BCAS3: variants seen among roughly 807,000 people sequenced by gnomAD.
BCAS3 encodes the protein BCAS3 microtubule associated cell migration factor.
Under a neutral mutation model 116.1 loss-of-function variants are expected in BCAS3, and 53 were observed. That is an observed-to-expected ratio of 0.46 (90% confidence interval 0.37 to 0.57). The LOEUF is 0.57. BCAS3 is among the 20% of genes least tolerant of loss of function. BCAS3 has a pLI of 0.00. For missense variants in BCAS3, 917 were observed against 1,165.4 expected, an observed-to-expected ratio of 0.79 and a Z score of 3.10; for synonymous variants, 391 against 408.2, an observed-to-expected ratio of 0.96 and a Z score of 0.51.
At chr17:60,856,062 AAAGAAGGCCATC>A (rs781417367) in intron 7 of BCAS3, among the ~76,000 whole-genome samples, 2 of 152,178 alleles carry the variant, frequency 1.3e-5, no homozygotes, top group African/African-American at 4.8e-5. Flanking sequence ...TACTTTGTTA[AAAGAAGGCCATC>A]AAGAAGGCCA....
Position 61,348,984 on chromosome 17 carries a change from C to A in BCAS3, c.2426-19343C>A, listed in dbSNP as rs1013291305. On this transcript the variant is annotated intron_variant, in intron 22 of 23. Coordinates refer to ENST00000407086, the MANE Select transcript of BCAS3 (RefSeq NM_017679.5). This position sits in a 1 kb window ranked among gnomAD's most constrained non-coding sequence, Gnocchi z 4.5. The stretch of plus-strand genomic sequence containing the variant: ...AGCCAGGATGGTCTTGATCTCCTGA[C>A]CTCATGATCCACCCACCTCAGCCTC... 1.3e-5 allele frequency among the ~76,000 whole-genome samples: 2 copies of A among 151,810 alleles called. No homozygotes were observed. Among genetic ancestry groups the A allele is most frequent in the Non-Finnish European group, 2.9e-5 (2 of 67,974 alleles).
At chr17:61,360,940 T>C (rs2058424068) in intron 22 of BCAS3, among the ~76,000 whole-genome samples, 1 of 152,248 alleles carries the variant, frequency 6.6e-6, no homozygotes, top group Non-Finnish European at 1.5e-5. Flanking sequence ...ATGCCTTTAA[T>C]TGGGTAAAAA....
intron 13 of BCAS3, among the ~76,000 whole-genome samples, chr17:60,934,943 G>C (rs980345992): frequency 2.6e-5 from 4 of 152,098 alleles, no homozygotes; most frequent in African/African-American, 9.7e-5. Flanking sequence ...CGAATCACTT[G>C]GGTTCAGGAG....
At chr17:60,940,045 A>G (rs1258499225) in intron 13 of BCAS3, among the ~76,000 whole-genome samples, 2 of 152,210 alleles carry the variant, frequency 1.3e-5, no homozygotes, top group Non-Finnish European at 1.5e-5. Flanking sequence ...GAGAAAGAAA[A>G]TAATTAAATA....
intron 16 of BCAS3, among the ~76,000 whole-genome samples, chr17:61,018,091 T>C (rs764042536): frequency 2.6e-5 from 4 of 152,184 alleles, no homozygotes; most frequent in Non-Finnish European, 5.9e-5. Context: ...CTAGGCTTTG[T>C]ATCTCAATTT....
chr17:61,336,024 T>C (rs1489532292), intron 22 of BCAS3, among the ~76,000 whole-genome samples: 1 of 152,220 alleles, frequency 6.6e-6, no homozygotes, highest in Admixed American at 6.5e-5. Context: ...TTTCCATACT[T>C]TTCAGATACA....
At chr17:61,160,128 C>A in intron 22 of BCAS3, among the ~76,000 whole-genome samples, 1 of 150,248 alleles carries the variant, frequency 6.7e-6, no homozygotes, top group African/African-American at 2.4e-5. Context: ...TATAAATTAA[C>A]TACAAGGAAA....
chr17:60,918,345 A>G (rs2058882898), intron 12 of BCAS3, among the ~76,000 whole-genome samples: 1 of 152,172 alleles, frequency 6.6e-6, no homozygotes, highest in African/African-American at 2.4e-5. Context: ...TTTGGGGTAC[A>G]TGTGATATTT....
intron 6 of BCAS3, among the ~76,000 whole-genome samples, chr17:60,778,892 G>A (rs1217941161): frequency 2.0e-5 from 3 of 152,132 alleles, no homozygotes; most frequent in South Asian, 4.1e-4. Flanking sequence ...GATGATAAAA[G>A]TATAGTTTGT....
At chr17:61,320,081 G>C (rs903606280) in intron 22 of BCAS3, among the ~76,000 whole-genome samples, 2 of 151,140 alleles carry the variant, frequency 1.3e-5, no homozygotes, top group Non-Finnish European at 3.0e-5. Flanking sequence ...GTAGAGACAG[G>C]GTTTTGCTAT....
intron 22 of BCAS3, among the ~76,000 whole-genome samples, chr17:61,163,428 A>AG (rs2078287044): frequency 1.9e-4 from 7 of 37,418 alleles, no homozygotes; most frequent in Admixed American, 1.5e-3. Context: ...CGTCTCAGAA[A>AG]GGAAAAAAAA....
chr17:60,722,873 T>G (rs1369017733), intron 5 of BCAS3, among the ~76,000 whole-genome samples: 3 of 152,022 alleles, frequency 2.0e-5, no homozygotes, highest in Admixed American at 1.3e-4. Flanking sequence ...GAGACCACCC[T>G]GGGCAACATA....
At chr17:61,209,654 G>A (rs2081342015) in intron 22 of BCAS3, among the ~76,000 whole-genome samples, 1 of 152,142 alleles carries the variant, frequency 6.6e-6, no homozygotes, top group Admixed American at 6.5e-5. Flanking sequence ...GAATATGAGG[G>A]GGTGTCTTTG....
chr17:60,852,812 G>A (rs2144813050), intron 7 of BCAS3, among the ~76,000 whole-genome samples: 1 of 152,308 alleles, frequency 6.6e-6, no homozygotes, highest in African/African-American at 2.4e-5. Flanking sequence ...CTGAGAAGAG[G>A]TGGAATAACA....
At chr17:61,121,705 T>A (rs1178926988) in intron 22 of BCAS3, among the ~76,000 whole-genome samples, 1 of 152,254 alleles carries the variant, frequency 6.6e-6, no homozygotes, top group Non-Finnish European at 1.5e-5. Flanking sequence ...GAGCCTGTGT[T>A]ATTATAAGGC....
At chr17:61,291,887 G>A (rs1416118909) in intron 22 of BCAS3, among the ~76,000 whole-genome samples, 1 of 152,100 alleles carries the variant, frequency 6.6e-6, no homozygotes, top group African/African-American at 2.4e-5. Context: ...TTTACACAGG[G>A]GTCCACTGTG....
chr17:61,217,553 C>G lies in BCAS3; in HGVS notation c.2425+132989C>G, dbSNP rs2081871917. On this transcript the variant is annotated intron_variant, in intron 22 of 23. Coordinates refer to ENST00000407086, the MANE Select transcript of BCAS3 (RefSeq NM_017679.5). The surrounding 1 kb of genome is among the most constrained non-coding windows in gnomAD (Gnocchi z 5.2). ...GGAACTAAGAGCAGAAATGCTTTCCCCCACCCACCTCCCCTCATGGTTATT... is the reference window on the plus strand; with the variant it reads ...GGAACTAAGAGCAGAAATGCTTTCCGCCACCCACCTCCCCTCATGGTTATT... Among the ~76,000 whole-genome samples the G allele has an allele frequency of 1.3e-5, 2 of 152,006 alleles. No homozygotes were observed. Among genetic ancestry groups the G allele is most frequent in the African/African-American group, 4.8e-5 (2 of 41,382 alleles).
intron 22 of BCAS3, among the ~76,000 whole-genome samples, chr17:61,305,887 C>T (rs548983525): frequency 5.8e-4 from 88 of 152,328 alleles, no homozygotes; most frequent in Non-Finnish European, 1.0e-3. Context: ...CAGAGCAAGA[C>T]TCCATCTCAA....
chr17:61,074,990 T>C lies in BCAS3; in HGVS notation c.2100T>C (p.Ser700=). 6.2e-7 allele frequency: 1 copy of C among 1,613,270 alleles called. No individual in the cohort carries two copies. The highest frequency in any genetic ancestry group is 8.5e-7 in the Non-Finnish European group (1 of 1,179,390). Residue 700 remains serine, a synonymous_variant, in exon 20 of 24, where the codon AGT becomes AGC. Coordinates refer to ENST00000407086, the MANE Select transcript of BCAS3 (RefSeq NM_017679.5). ...GSYDSLASDH[S]GQEDEEWLSQ... Reference sequence around the variant, plus strand: ...ACGACAGTTTAGCTTCTGACCATAGTGGACAGGAAGATGAAGAATGGCTTT... The same window carrying C: ...ACGACAGTTTAGCTTCTGACCATAGCGGACAGGAAGATGAAGAATGGCTTT...
Sources: allele counts gnomAD v4.1 joint callset (sites outside exome capture counted in the v4.1 genomes callset), GRCh38; gene constraint gnomAD v4.1.1; non-coding constraint Gnocchi (gnomAD v3.1); transcripts MANE v1.5; gene names NCBI Gene and HGNC (gene_info 2026-07-23, HGNC 2026-07-21).